The following PHC2 variants were observed in gnomAD, a reference collection of about 807,000 sequenced individuals.
PHC2 encodes the protein polyhomeotic homolog 2.
PHC2 carries 29 observed loss-of-function variants against 87.4 expected under a neutral mutation model. The ratio of observed to expected loss-of-function variants is 0.33; its 90% CI spans 0.25 to 0.45. The LOEUF (loss-of-function observed/expected upper bound fraction) is 0.45, where lower values mean the gene tolerates loss of function less well. Among genes scored for constraint, PHC2 ranks in the 20% least tolerant of loss-of-function variants. The probability of loss-of-function intolerance (pLI) is 1.00; values close to 1 mark genes in which losing one functional copy is unlikely to be tolerated. For missense variants in PHC2, 857 were observed against 1,136.7 expected (o/e 0.75, Z 3.54); for synonymous variants, 438 against 461.7 (o/e 0.95, Z 0.66).
At chr1:33,377,784 A>G (rs535523150) in intron 1 of PHC2, among the ~76,000 whole-genome samples, 4 of 152,154 alleles carry the variant, frequency 2.6e-5, no homozygotes, top group Admixed American at 6.5e-5. Flanking sequence ...TATCTCCCCA[A>G]TACTGCTCAG....
chr1:33,335,246 C>T (rs894638253), intron 9 of PHC2: 10 of 985,248 alleles, frequency 1.0e-5, no homozygotes, highest in East Asian at 2.3e-4. Context: ...TTGTCTTAGA[C>T]GTGCAAGACT....
rs548050095 is a variant in PHC2 at position 33,330,977 on chromosome 1, AG to A, written c.2006+370del. Among the ~76,000 whole-genome samples the A allele has an allele frequency of 4.6e-5, 7 of 152,328 alleles. No homozygotes were observed. In the South Asian group the frequency reaches 1.2e-3, roughly 27 times the overall value. ...GGCAGTGGTTTTTATGATGACCATT[AG>A]TGATCTATGCTGGGCGAGAGCTCAC... On this transcript the variant is annotated intron_variant, in intron 12 of 14. Transcript: ENST00000683057.
chr1:33,352,834 G>A (rs1238090889), intron 9 of PHC2, among the ~76,000 whole-genome samples: 1 of 152,182 alleles, frequency 6.6e-6, no homozygotes, highest in East Asian at 1.9e-4. Flanking sequence ...GAGTCATGGC[G>A]CTGCCCTTTC....
intron 7 of PHC2, chr1:33,363,865 G>T: frequency 1.0e-6 from 1 of 985,270 alleles, no homozygotes; most frequent in Non-Finnish European, 1.2e-6. Flanking sequence ...CAGGCCCAAG[G>T]GACCCCTGCT....
At chr1:33,373,990 C>T (rs10429860) in intron 2 of PHC2, among the ~76,000 whole-genome samples, 26,408 of 152,166 alleles carry the variant, frequency 0.17, 2,816 homozygotes, top group South Asian at 0.27. Context: ...CCCATCCCAA[C>T]TCTTCCACAT....
At chr1:33,348,344 G>A (rs1012896220) in intron 9 of PHC2, among the ~76,000 whole-genome samples, 1 of 152,204 alleles carries the variant, frequency 6.6e-6, no homozygotes, top group Admixed American at 6.5e-5. Flanking sequence ...TGCCTCATTA[G>A]CCTGTAATGT....
Position 33,409,694 on chromosome 1 carries a change from T to C in PHC2, c.-55+21282A>G, listed in dbSNP as rs959539977. ...AGAAGTCCACATTCTTCCAATTCTATAGTCTGTCCCACTTGGTCCATACAT... is the reference window on the plus strand; with the variant it reads ...AGAAGTCCACATTCTTCCAATTCTACAGTCTGTCCCACTTGGTCCATACAT... On this transcript the variant is annotated intron_variant, in intron 1 of 14. Transcript: ENST00000683057. 4.6e-5 allele frequency among the ~76,000 whole-genome samples: 7 copies of C among 152,240 alleles called. 1 individual carries two copies. Among genetic ancestry groups the C allele is most frequent in the African/African-American group, 7.2e-5 (3 of 41,474 alleles).
chr1:33,370,429 C>T lies in PHC2; in HGVS notation c.568G>A (p.Ala190Thr), dbSNP rs2148324640. ...TASQAQMYLR[A>T]QMLIFTPTAT... The stretch of plus-strand genomic sequence containing the variant: ...TGGCCATGGGTACTCACCATCTGTG[C>T]CCTCAGATACATCTGTGCTTGGCTT... Residue 190 changes from alanine (A) to threonine (T), a missense_variant, in exon 5 of 15, where the codon GCA becomes ACA. By Grantham distance (58) the Ala-to-Thr change is moderately conservative. Around this residue, in one of 3 missense-constraint regions of PHC2, gnomAD observed 832 missense variants for 1,081.8 expected, o/e 0.77. Coordinates refer to ENST00000683057, the MANE Select transcript of PHC2 (RefSeq NM_001385109.1). 6.2e-7 allele frequency: 1 copy of T among 1,613,440 alleles called. No homozygotes were observed.
At chr1:33,333,061 C>T (rs751465338) in intron 10 of PHC2, among the ~76,000 whole-genome samples, 2 of 152,162 alleles carry the variant, frequency 1.3e-5, no homozygotes, top group Admixed American at 6.5e-5. Flanking sequence ...TGCAATCTGC[C>T]TCCACCCCAT....
rs1646437560 is a variant in PHC2 at position 33,329,269 on chromosome 1, T to A, written c.2149-123A>T. 4.4e-6 allele frequency: 4 copies of A among 916,302 alleles called. No homozygotes were observed. In the Admixed American group the frequency reaches 7.6e-5, roughly 18 times the overall value. The allele number at this position is 916,302 out of a possible 1,614,324, so 56.8% of individuals were successfully genotyped here. A position where few individuals can be genotyped will look rare whatever the true frequency, so the allele number is the denominator to read the frequency against. On this transcript the variant is annotated intron_variant, in intron 13 of 14. Coordinates refer to ENST00000683057, the MANE Select transcript of PHC2 (RefSeq NM_001385109.1). The stretch of plus-strand genomic sequence containing the variant: ...TACTACACATCTGAGTTCCCAGATC[T>A]AACAGCATCTTCCATGCTGTCCTGT...
chr1:33,429,869 T>C (rs1288907931), intron 1 of PHC2, among the ~76,000 whole-genome samples: 1 of 152,248 alleles, frequency 6.6e-6, no homozygotes, highest in Non-Finnish European at 1.5e-5. Flanking sequence ...GGAACGACTT[T>C]AGACTCACAA....
intron 1 of PHC2, among the ~76,000 whole-genome samples, chr1:33,378,724 T>C (rs938717196): frequency 6.6e-6 from 1 of 152,100 alleles, no homozygotes; most frequent in South Asian, 2.1e-4. Context: ...GAGAGCACAC[T>C]TGAAAGACAG....
chr1:33,395,149 A>G (rs1006466391), intron 1 of PHC2, among the ~76,000 whole-genome samples: 1 of 152,220 alleles, frequency 6.6e-6, no homozygotes, highest in African/African-American at 2.4e-5. Flanking sequence ...GTGCAACAAC[A>G]TGGATGAATT....
chr1:33,417,072 A>T (rs1372953760), intron 1 of PHC2, among the ~76,000 whole-genome samples: 1 of 152,100 alleles, frequency 6.6e-6, no homozygotes, highest in Non-Finnish European at 1.5e-5. Context: ...ATAGATAGGG[A>T]TAAGTTAAAG....
At chr1:33,416,828 G>A (rs1650230799) in intron 1 of PHC2, among the ~76,000 whole-genome samples, 1 of 151,938 alleles carries the variant, frequency 6.6e-6, no homozygotes, top group Non-Finnish European at 1.5e-5. Context: ...AAATTGATAA[G>A]AGAAACACAA....
intron 1 of PHC2, among the ~76,000 whole-genome samples, chr1:33,395,239 ATAAAGT>A (rs1379993201): frequency 3.9e-5 from 6 of 152,148 alleles, no homozygotes; most frequent in African/African-American, 1.4e-4. Flanking sequence ...AGTTCTTAGA[ATAAAGT>A]TAATCTATGA....
chr1:33,426,317 T>G (rs888394473), intron 1 of PHC2, among the ~76,000 whole-genome samples: 2 of 149,190 alleles, frequency 1.3e-5, no homozygotes, highest in African/African-American at 5.0e-5. Context: ...TCAAAGCTGC[T>G]GGGGGGGGGT....
intron 14 of PHC2, among the ~76,000 whole-genome samples, chr1:33,328,370 T>A (rs552449452): frequency 7.5e-6 from 1 of 134,026 alleles, no homozygotes; most frequent in Non-Finnish European, 1.5e-5. Context: ...TTACATTTTC[T>A]TAATTAAATT....
Position 33,329,033 on chromosome 1 carries a change from G to A in PHC2, c.2262C>T (p.Ile754=). 1 of 1,614,232 alleles carries A rather than the reference G, an allele frequency of 6.2e-7. No homozygotes were observed. The highest frequency in any genetic ancestry group is 8.5e-7 in the Non-Finnish European group (1 of 1,180,040). Residue 754 remains isoleucine (I), a synonymous_variant, in exon 14 of 15, where the codon ATC becomes ATT. Coordinates refer to ENST00000683057, the MANE Select transcript of PHC2 (RefSeq NM_001385109.1). ...NSSYEEPLSP[I]SASSSTSRRR... ...GGCGGGAAGTAGATGAGCTGGCTGA[G>A]ATGGGTGACAAGGGTTCCTCATAGC...
Sources: allele counts gnomAD v4.1 joint callset (sites outside exome capture counted in the v4.1 genomes callset), GRCh38; gene constraint gnomAD v4.1.1; regional missense constraint gnomAD v4.1.1; transcripts MANE v1.5; gene names NCBI Gene and HGNC (gene_info 2026-07-23, HGNC 2026-07-21).